OTUD7B: variants seen among roughly 807,000 people sequenced by gnomAD.
The protein encoded by OTUD7B is OTU deubiquitinase 7B.
Under a neutral mutation model 82.2 loss-of-function variants are expected in OTUD7B, and 34 were observed. The ratio of observed to expected loss-of-function variants is 0.41; its 90% confidence interval spans 0.31 to 0.55. The LOEUF is 0.55. Among genes scored for constraint, OTUD7B ranks in the 20% least tolerant of loss-of-function variants. OTUD7B has a pLI of 0.20. For missense variants in OTUD7B, 944 were observed against 1,062.1 expected (o/e 0.89, Z 1.55); for synonymous variants, 398 against 402.7 (o/e 0.99, Z 0.14).
chr1:150,015,290 C>CTTTTTTTTTTTTTTTTTTTTTTTT (rs60374988), upstream of OTUD7B, among the ~76,000 whole-genome samples: 1 of 128,974 alleles, frequency 7.8e-6, no homozygotes. Context: ...TTTTCTTTCT[C>CTTTTTTTTTTTTTTTTTTTTTTTT]TTTTTTTTTT....
intron 11 of OTUD7B, among the ~76,000 whole-genome samples, chr1:149,945,267 G>T (rs1410607970): frequency 6.6e-6 from 1 of 152,094 alleles, no homozygotes; most frequent in African/African-American, 2.4e-5. Context: ...CCAGAGAAGG[G>T]CTTCTGTCAT....
At chr1:149,976,036 G>GA (rs1484922245) in intron 2 of OTUD7B, among the ~76,000 whole-genome samples, 151,757 of 151,758 alleles carry the variant, frequency 1, 75,878 homozygotes, top group Non-Finnish European at 1. Flanking sequence ...GAAAAAAAAA[G>GA]AAATGCAAAT....
At chr1:149,945,483 C>A (rs1647649911) in intron 11 of OTUD7B, among the ~76,000 whole-genome samples, 1 of 152,150 alleles carries the variant, frequency 6.6e-6, no homozygotes, top group Non-Finnish European at 1.5e-5. Flanking sequence ...TTATACATTT[C>A]TCTATGCCAA....
the OTUD7B span, among the ~76,000 whole-genome samples, chr1:150,064,592 T>C: frequency 4.6e-5 from 7 of 152,264 alleles, no homozygotes. Flanking sequence ...TGGTCTCAAA[T>C]TCCTGGGCTC....
intron 10 of OTUD7B, 58 bp from the exon 11 acceptor site, chr1:149,947,393 A>T: frequency 9.4e-7 from 1 of 1,062,852 alleles, no homozygotes. Context: ...GCAATTTGAT[A>T]TAGTTGGGAG....
chr1:150,036,725 ACAT>A, the OTUD7B span, among the ~76,000 whole-genome samples: 3 of 152,242 alleles, frequency 2.0e-5, no homozygotes, highest in Non-Finnish European at 4.4e-5. Flanking sequence ...CTAGAAATAA[ACAT>A]CATGAAATTA....
chr1:150,044,905 G>GA, the OTUD7B span, among the ~76,000 whole-genome samples: 151,285 of 151,310 alleles, frequency 1, 75,630 homozygotes, highest in Middle Eastern at 1. Context: ...ATTGGCAGGG[G>GA]AAAAAAAGAA....
In OTUD7B at chr1:149,950,195, T is replaced by A; in HGVS notation, c.872A>T (p.Tyr291Phe). The A allele has an allele frequency of 6.2e-7, 1 of 1,614,060 alleles. No homozygotes were observed. Among genetic ancestry groups the A allele is most frequent in the South Asian group, 1.1e-5 (1 of 91,078 alleles). ...GACGTGAAACTCTTCAAGGCTCTCA[T>A]ATACAGGCTCCTCAGAACTCTCCAC... ...GGVESSEEPV[Y>F]ESLEEFHVFV... The change falls in exon 8 of 12, where the codon TAT (tyrosine) becomes TTT (phenylalanine). Residue 291 changes from tyrosine to phenylalanine, a missense_variant. This residue lies in a region of OTUD7B where 530 missense variants were observed against 625.6 expected (regional missense o/e 0.85). Coordinates refer to ENST00000581312, the MANE Select transcript of OTUD7B (RefSeq NM_020205.4).
At chr1:149,962,688 G>A (rs1649240854) in intron 6 of OTUD7B, 1 of 152,138 alleles carries the variant, frequency 6.6e-6, no homozygotes, top group Admixed American at 6.6e-5. Flanking sequence ...AACTGGAATT[G>A]GGCACACTTA....
intron 1 of OTUD7B, among the ~76,000 whole-genome samples, chr1:150,001,533 A>T (rs1652281004): frequency 6.6e-6 from 1 of 152,200 alleles, no homozygotes; most frequent in Non-Finnish European, 1.5e-5. Flanking sequence ...CCACCTTCCC[A>T]CATAATTTAA....
intron 7 of OTUD7B, among the ~76,000 whole-genome samples, chr1:149,950,977 ATTTTTTT>A (rs1458504169): frequency 4.5e-5 from 1 of 22,402 alleles, no homozygotes; most frequent in Non-Finnish European, 8.3e-5. Flanking sequence ...TACTTTTTGT[ATTTTTTT>A]TTTTTTTTTT....
chr1:150,065,212 G>A, the OTUD7B span, among the ~76,000 whole-genome samples: 1 of 152,050 alleles, frequency 6.6e-6, no homozygotes, highest in African/African-American at 2.4e-5. Context: ...GCTGGGACTG[G>A]AGGCGCTGGC....
intron 1 of OTUD7B, among the ~76,000 whole-genome samples, chr1:150,001,156 G>A (rs1267881087): frequency 1.3e-5 from 2 of 152,148 alleles, no homozygotes; most frequent in African/African-American, 4.8e-5. Context: ...ATATTTTAAA[G>A]GGAGTAAGAC....
At chr1:150,008,685 T>A (rs1364983328) in intron 1 of OTUD7B, among the ~76,000 whole-genome samples, 1 of 152,218 alleles carries the variant, frequency 6.6e-6, no homozygotes, top group Admixed American at 6.5e-5. Context: ...AAGTGTAATG[T>A]CCAAAGCAGA....
At chr1:150,010,270 C>G (rs1460604875) in intron 1 of OTUD7B, among the ~76,000 whole-genome samples, 178 bp downstream of exon 1, 1 of 151,784 alleles carries the variant, frequency 6.6e-6, no homozygotes, top group Non-Finnish European at 1.5e-5. Flanking sequence ...AAGATCGGGA[C>G]GAAGCAAGGA....
chr1:150,056,940 T>C, the OTUD7B span, among the ~76,000 whole-genome samples: 3 of 152,192 alleles, frequency 2.0e-5, no homozygotes, highest in Non-Finnish European at 4.4e-5. Context: ...AATATTTTCA[T>C]AGCTTCAACA....
At chr1:149,983,583 C>T (rs914224302) in intron 1 of OTUD7B, among the ~76,000 whole-genome samples, 2 of 151,866 alleles carry the variant, frequency 1.3e-5, no homozygotes, top group East Asian at 1.9e-4. Context: ...AAAGGAAGAA[C>T]GCTCCAAGCA....
intron 4 of OTUD7B, among the ~76,000 whole-genome samples, chr1:149,967,040 G>A (rs1649561971): frequency 6.6e-6 from 1 of 152,070 alleles, no homozygotes; most frequent in Admixed American, 6.6e-5. Context: ...TTCATGTATT[G>A]ATTTCGAGGT....
chr1:149,951,747 T>C lies in OTUD7B; in HGVS notation c.846-1526A>G, dbSNP rs376139536. Among the ~76,000 whole-genome samples the C allele has an allele frequency of 4.3e-4, 66 of 152,316 alleles. No homozygotes were observed. In the South Asian group the frequency reaches 0.013, roughly 31 times the overall value. On this transcript the variant is annotated intron_variant, in intron 7 of 11. Transcript: ENST00000581312. ...AAATAACTCTCCCAGATTATTCTTA[T>C]GTACAATAAAATCTGCATAGGTTAT... is the stretch of plus-strand genomic sequence containing the variant.
Sources: allele counts gnomAD v4.1 joint callset (sites outside exome capture counted in the v4.1 genomes callset), GRCh38; gene constraint gnomAD v4.1.1; regional missense constraint gnomAD v4.1.1; transcripts MANE v1.5; gene names NCBI Gene and HGNC (gene_info 2026-07-23, HGNC 2026-07-21).